The following FSTL5 variants were observed in gnomAD, a reference collection of about 807,000 sequenced individuals.
The protein encoded by FSTL5 is follistatin like 5, also known as follistatin-related protein 5.
Under a neutral mutation model 89.1 loss-of-function variants are expected in FSTL5, and 62 were observed. The observed-to-expected ratio is 0.70, with a 90% CI of 0.57 to 0.86. The LOEUF is 0.86. Ranked by LOEUF, FSTL5 falls within the 40% of genes least tolerant of loss-of-function variation. FSTL5 has a pLI of 0.00. For missense variants in FSTL5, 1,057 were observed against 1,001.6 expected (o/e 1.06, Z -0.75); for synonymous variants, 383 against 346.2 (o/e 1.11, Z -1.18).
chr4:162,003,665 G>A (rs1736531119), intron 3 of FSTL5, among the ~76,000 whole-genome samples: 1 of 152,120 alleles, frequency 6.6e-6, no homozygotes, highest in African/African-American at 2.4e-5. Flanking sequence ...CCAATGTAGT[G>A]TAATTTTTGT....
intron 6 of FSTL5, among the ~76,000 whole-genome samples, chr4:161,759,197 C>T (rs942186938): frequency 6.6e-6 from 1 of 152,150 alleles, no homozygotes; most frequent in Non-Finnish European, 1.5e-5. Context: ...TGATGATATT[C>T]GTGGTTATCA....
chr4:161,920,698 A>G (rs1278405035), intron 3 of FSTL5, 46 bp from the exon 4 acceptor site: 5 of 1,538,190 alleles, frequency 3.3e-6, no homozygotes, highest in Non-Finnish European at 4.4e-6. Context: ...TCATTTGTCC[A>G]AATAATATAT....
At chr4:162,121,288 G>T (rs759516486) in intron 1 of FSTL5, among the ~76,000 whole-genome samples, 1 of 151,886 alleles carries the variant, frequency 6.6e-6, no homozygotes, top group Non-Finnish European at 1.5e-5. Context: ...TAATATTACA[G>T]TAGGCTGGGA....
chr4:161,519,515 G>C (rs958004659), intron 10 of FSTL5, among the ~76,000 whole-genome samples: 1 of 150,928 alleles, frequency 6.6e-6, no homozygotes, highest in Non-Finnish European at 1.5e-5. Flanking sequence ...GACAGAGCAA[G>C]ACTCTATCTC....
intron 1 of FSTL5, among the ~76,000 whole-genome samples, chr4:162,152,153 A>AG (rs1262085240): frequency 1.3e-5 from 2 of 152,196 alleles, no homozygotes; most frequent in East Asian, 3.9e-4. Flanking sequence ...GTAGAGAAAC[A>AG]GGGCACTGGC....
At chr4:162,048,746 A>G (rs80294614) in intron 2 of FSTL5, among the ~76,000 whole-genome samples, 1 of 152,288 alleles carries the variant, frequency 6.6e-6, no homozygotes, top group East Asian at 1.9e-4. Context: ...AAATAATAAT[A>G]AATGATGGAA....
At chr4:161,395,261 A>T (rs1011351512) in intron 15 of FSTL5, among the ~76,000 whole-genome samples, 2 of 152,056 alleles carry the variant, frequency 1.3e-5, no homozygotes, top group Admixed American at 1.3e-4. Context: ...TAAACTGTAA[A>T]CCTACTGTTA....
chr4:161,583,467 C>G (rs747985011), intron 8 of FSTL5, among the ~76,000 whole-genome samples: 11 of 152,184 alleles, frequency 7.2e-5, no homozygotes, highest in Admixed American at 2.0e-4. Flanking sequence ...CTTTGAGCCC[C>G]TGTCCTTTTG....
intron 6 of FSTL5, among the ~76,000 whole-genome samples, chr4:161,693,687 G>A (rs1451829008): frequency 2.3e-5 from 3 of 129,274 alleles, no homozygotes; most frequent in Non-Finnish European, 4.7e-5. Context: ...CGCCCAGGCC[G>A]GAGTGCAGTG....
chr4:162,019,951 A>AAT (rs537972981), intron 3 of FSTL5, among the ~76,000 whole-genome samples: 44 of 148,784 alleles, frequency 3.0e-4, no homozygotes, highest in South Asian at 6.3e-4. Flanking sequence ...TATACATATA[A>AAT]ATATATATAT....
intron 15 of FSTL5, among the ~76,000 whole-genome samples, chr4:161,406,767 T>G (rs1364223746): frequency 6.6e-6 from 1 of 152,200 alleles, no homozygotes; most frequent in Non-Finnish European, 1.5e-5. Flanking sequence ...GGTTACTATT[T>G]GCATGGAATA....
At chr4:161,487,221 C>T (rs886230537) in intron 12 of FSTL5, among the ~76,000 whole-genome samples, 6 of 152,052 alleles carry the variant, frequency 3.9e-5, no homozygotes, top group African/African-American at 7.2e-5. Context: ...TTAGTAAATA[C>T]GTGTTTAAAT....
chr4:161,662,645 T>A (rs1167171838), intron 6 of FSTL5, among the ~76,000 whole-genome samples: 1 of 152,052 alleles, frequency 6.6e-6, no homozygotes, highest in African/African-American at 2.4e-5. Context: ...TTCTTTTGAA[T>A]CCCAGAATGA....
intron 4 of FSTL5, among the ~76,000 whole-genome samples, chr4:161,891,809 G>T (rs1732996867): frequency 6.6e-6 from 1 of 152,014 alleles, no homozygotes; most frequent in South Asian, 2.1e-4. Flanking sequence ...AAGCAAATGA[G>T]ATGCCCTGGA....
chr4:162,034,826 A>C (rs942188472), intron 2 of FSTL5, among the ~76,000 whole-genome samples: 1 of 152,168 alleles, frequency 6.6e-6, no homozygotes, highest in Non-Finnish European at 1.5e-5. Flanking sequence ...TAAAATGCAT[A>C]ATGACAAATG....
At chr4:161,406,927 G>C (rs928207101) in intron 15 of FSTL5, among the ~76,000 whole-genome samples, 1 of 152,052 alleles carries the variant, frequency 6.6e-6, no homozygotes, top group Non-Finnish European at 1.5e-5. Context: ...GTACGTAACT[G>C]CCTATTACAG....
rs144393471 is a variant in FSTL5, at chr4:161,753,845, G to A, written c.727+5566C>T. On this transcript the variant is annotated intron_variant, in intron 6 of 15. Transcript: ENST00000306100. The stretch of plus-strand genomic sequence containing the variant: ...ATTATGAGGTCGGGAGATCGAGACC[G>A]TCCTGGCTATCACGGTGAAACCCCC... Among the ~76,000 whole-genome samples the A allele has an allele frequency of 2.3e-3, 349 of 151,796 alleles. 4 individuals carry two copies. Among genetic ancestry groups the A allele is most frequent in the African/African-American group, 8.0e-3 (330 of 41,420 alleles).
intron 15 of FSTL5, among the ~76,000 whole-genome samples, chr4:161,423,744 T>C (rs974682898): frequency 1.3e-5 from 2 of 152,166 alleles, no homozygotes; most frequent in Non-Finnish European, 2.9e-5. Flanking sequence ...GGTGATGCAT[T>C]AGTCCTGCAA....
At chr4:161,649,484 C>G (rs116104706) in intron 7 of FSTL5, among the ~76,000 whole-genome samples, 2,157 of 152,152 alleles carry the variant, frequency 0.014, 65 homozygotes, top group South Asian at 0.13. Flanking sequence ...AAACAAACAA[C>G]AAACAAACTG....
Sources: allele counts gnomAD v4.1 joint callset (sites outside exome capture counted in the v4.1 genomes callset), GRCh38; gene constraint gnomAD v4.1.1; transcripts MANE v1.5; gene names NCBI Gene and HGNC (gene_info 2026-07-23, HGNC 2026-07-21).